Variants in TXNDC11 observed in about 807,000 individuals in gnomAD.
TXNDC11 encodes thioredoxin domain containing 11.
A neutral mutation model predicts 78.0 loss-of-function variants in TXNDC11; 68 were observed. The ratio of observed to expected loss-of-function variants is 0.87; its 90% confidence interval spans 0.72 to 1.07. The LOEUF is 1.07. Among genes scored for constraint, TXNDC11 ranks in the 50% least tolerant of loss-of-function variants. The pLI is 0.00. For synonymous variants in TXNDC11, 571 were observed against 495.2 expected, an observed-to-expected ratio of 1.15 and a Z score of -2.03; for missense variants, 1,389 against 1,221.8, an observed-to-expected ratio of 1.14 and a Z score of -2.04.
chr16:11,724,935 C>T (rs2051831510), intron 4 of TXNDC11, among the ~76,000 whole-genome samples: 2 of 152,002 alleles, frequency 1.3e-5, no homozygotes, highest in Admixed American at 1.3e-4. Flanking sequence ...TTAGTAGAGA[C>T]GAGGTTTCAC....
In TXNDC11 at chr16:11,742,495, G is replaced by A. The variant is rs1055468040; in HGVS notation, c.236C>T (p.Ala79Val). 126 of 1,451,276 alleles carry A rather than the reference G, an allele frequency of 8.7e-5. No individual in the cohort carries two copies. The highest frequency in any genetic ancestry group is 1.1e-4 in the Non-Finnish European group (120 of 1,110,146). The allele number at this position is 1,451,276 out of a possible 1,614,324, so 89.9% of individuals were successfully genotyped here. The stretch of plus-strand genomic sequence containing the variant: ...GCCTCACCTGCAGGTGAACTTGAGG[G>A]CGAGGAGCAGCGCGCAGCCGAGCGC... ...AVALGCALLL[A>V]LKFTCSRAKD... The change falls in exon 1 of 12, where the codon GCC becomes GTC. Residue 79 changes from alanine to valine, a missense_variant. Ala to Val is a moderately conservative substitution (Grantham distance 64, BLOSUM62 0). Coordinates refer to ENST00000283033, the MANE Select transcript of TXNDC11 (RefSeq NM_015914.7).
chr16:11,717,984 C>T (rs1273817914), intron 5 of TXNDC11, among the ~76,000 whole-genome samples: 1 of 150,542 alleles, frequency 6.6e-6, no homozygotes, highest in African/African-American at 2.5e-5. Flanking sequence ...AAGGCAGTTA[C>T]TATTAGAGTG....
At chr16:11,688,588 A>C in intron 8 of TXNDC11, 143 bp from the exon 9 acceptor site, 1 of 669,346 alleles carries the variant, frequency 1.5e-6, no homozygotes, top group Non-Finnish European at 2.4e-6. Flanking sequence ...AAAACCCCAA[A>C]CAAAGCTGCC....
chr16:11,695,246 T>C (rs1567305179), intron 7 of TXNDC11, among the ~76,000 whole-genome samples: 1 of 152,192 alleles, frequency 6.6e-6, no homozygotes, highest in Non-Finnish European at 1.5e-5. Flanking sequence ...CAGGTATGCA[T>C]GTGTGTAGAA....
chr16:11,679,319 C>A lies in TXNDC11; in HGVS notation c.2753G>T (p.Arg918Ile). The A allele has an allele frequency of 1.9e-6, 3 of 1,612,628 alleles. No individual in the cohort carries two copies. Among genetic ancestry groups the A allele is most frequent in the Non-Finnish European group, 2.5e-6 (3 of 1,179,678 alleles). The change falls in exon 12 of 12, where the codon AGA (arginine) becomes ATA (isoleucine). Residue 918 changes from arginine to isoleucine, a missense_variant. Physicochemically the swap from Arg to Ile is moderately conservative, Grantham distance 97. Transcript: ENST00000283033. The surrounding 1 kb of genome is among the most constrained non-coding windows in gnomAD (Gnocchi z 4.6). ...RDGAESLAAQREVHPKQPEPS... is the reference protein window; with the variant it reads ...RDGAESLAAQIEVHPKQPEPS... ...CTCAGGCTGCTTGGGGTGGACCTCT[C>A]TCTGGGCCGCCAGGCTTTCAGCTCC...
At chr16:11,713,109 GGA>G (rs2051414866) in intron 5 of TXNDC11, among the ~76,000 whole-genome samples, 1 of 60,116 alleles carries the variant, frequency 1.7e-5, no homozygotes, top group African/African-American at 4.9e-5. Context: ...CTCTGTCTCA[GGA>G]AAAAAAAAAA....
Position 11,721,366 on chromosome 16 carries a change from G to A in TXNDC11, c.793+211C>T, listed in dbSNP as rs1015684609. On this transcript the variant is annotated intron_variant, in intron 5 of 11. Transcript: ENST00000283033. ...TGAGGCAGGAGAATCGCTTGAACCC[G>A]GGAGGCAGATTCCAGTGAGCCAAGA... The A allele has an allele frequency of 3.6e-5, 11 of 304,826 alleles. No individual in the cohort carries two copies. In the East Asian group the frequency reaches 3.6e-4, roughly 10 times the overall value. The allele number at this position is 304,826 out of a possible 1,614,324, so 18.9% of individuals were successfully genotyped here. A position where few individuals can be genotyped will look rare whatever the true frequency, so the allele number is the denominator to read the frequency against.
intron 5 of TXNDC11, among the ~76,000 whole-genome samples, chr16:11,704,184 A>C (rs1045413367): frequency 1.3e-5 from 2 of 152,232 alleles, no homozygotes; most frequent in Non-Finnish European, 2.9e-5. Flanking sequence ...CCTAGTAGCC[A>C]AAGTTGGAAC....
At chr16:11,721,078 A>G (rs1043637854) in intron 5 of TXNDC11, among the ~76,000 whole-genome samples, 1 of 151,956 alleles carries the variant, frequency 6.6e-6, no homozygotes, top group African/African-American at 2.4e-5. Flanking sequence ...CATTTGCGAG[A>G]CTATATGTGA....
intron 10 of TXNDC11, among the ~76,000 whole-genome samples, chr16:11,686,260 T>A (rs1003565953): frequency 3.3e-5 from 5 of 152,214 alleles, no homozygotes; most frequent in Admixed American, 1.3e-4. Flanking sequence ...ACCTCGCCTA[T>A]ATCCTTACAT....
At chr16:11,742,391 A>T in intron 1 of TXNDC11, 86 bp downstream of exon 1, 1 of 1,142,300 alleles carries the variant, frequency 8.8e-7, no homozygotes, top group Non-Finnish European at 1.1e-6. Context: ...TCCCCGGCTG[A>T]GGCCGCTGCG....
At chr16:11,726,520 C>CA (rs1007286325) in intron 4 of TXNDC11, among the ~76,000 whole-genome samples, 34 of 143,188 alleles carry the variant, frequency 2.4e-4, no homozygotes, top group Non-Finnish European at 3.7e-4. Flanking sequence ...GTGGAGGCTG[C>CA]AGTGAGCCAA....
At chr16:11,727,902 A>C (rs927757780) in intron 4 of TXNDC11, among the ~76,000 whole-genome samples, 3 of 152,216 alleles carry the variant, frequency 2.0e-5, no homozygotes, top group Non-Finnish European at 4.4e-5. Flanking sequence ...GTATTTGGCA[A>C]GGTCTGCAGA....
chr16:11,742,833 A>T lies in TXNDC11; in HGVS notation c.-103T>A. On this transcript the variant is annotated 5_prime_UTR_variant, in exon 1 of 12. Transcript: ENST00000283033. The stretch of plus-strand genomic sequence containing the variant: ...AATCCCGCAGCTCGCCGCACCCGCT[A>T]ACCCGGACGCTCCACGTCAGCCGCG... 7.4e-7 allele frequency: 1 copy of T among 1,356,602 alleles called. No homozygotes were observed. The highest frequency in any genetic ancestry group is 9.4e-7 in the Non-Finnish European group (1 of 1,059,876). 84.0% of individuals were successfully genotyped at this position (1,356,602 alleles called of 1,614,324 possible).
chr16:11,685,208 T>C (rs2050532779), intron 10 of TXNDC11, among the ~76,000 whole-genome samples: 1 of 151,814 alleles, frequency 6.6e-6, no homozygotes, highest in African/African-American at 2.4e-5. Context: ...TACAAAAAAT[T>C]GGCCGGGTAT....
At chr16:11,702,236 A>AT (rs897349016) in intron 5 of TXNDC11, among the ~76,000 whole-genome samples, 6 of 151,658 alleles carry the variant, frequency 4.0e-5, no homozygotes, top group Non-Finnish European at 5.9e-5. Flanking sequence ...TGAAGCTTTC[A>AT]TTTTTTTTCA....
chr16:11,735,846 A>G (rs544456731), intron 2 of TXNDC11, among the ~76,000 whole-genome samples, 171 bp downstream of exon 2: 1 of 152,354 alleles, frequency 6.6e-6, no homozygotes, highest in African/African-American at 2.4e-5. Flanking sequence ...TACAATCGCC[A>G]CAATTGGAAA....
chr16:11,734,993 GT>G (rs1432323030), intron 2 of TXNDC11, among the ~76,000 whole-genome samples: 1 of 152,156 alleles, frequency 6.6e-6, no homozygotes, highest in Non-Finnish European at 1.5e-5. Context: ...TTCCAGAGGA[GT>G]TCAAAACGCC....
At chr16:11,737,464 AAAGT>A (rs1210225430) in intron 1 of TXNDC11, among the ~76,000 whole-genome samples, 6 of 151,936 alleles carry the variant, frequency 3.9e-5, no homozygotes, top group Non-Finnish European at 5.9e-5. Flanking sequence ...AAAAAGAAAG[AAAGT>A]AAGTAAAGGA....
Sources: gnomAD v4.1 joint callset for allele counts (sites outside exome capture counted in the v4.1 genomes callset) on GRCh38, gnomAD v4.1.1 for gene constraint, Gnocchi (gnomAD v3.1) non-coding constraint, MANE v1.5 for transcripts, NCBI Gene and HGNC (gene_info 2026-07-23, HGNC 2026-07-21) for gene names.